The following MCM5 variants were observed in gnomAD, a reference collection of about 807,000 sequenced individuals.
The protein encoded by MCM5 is minichromosome maintenance complex component 5.
In MCM5, 46 loss-of-function variants were observed where a neutral mutation model predicts 79.9. That is an observed-to-expected ratio of 0.58 (90% confidence interval 0.45 to 0.74). MCM5 has a LOEUF of 0.74. Ranked by LOEUF, MCM5 falls within the 30% of genes least tolerant of loss-of-function variation. The pLI is 0.00. For missense variants in MCM5, 883 were observed against 1,017.0 expected (o/e 0.87, Z 1.79); for synonymous variants, 404 against 390.5 (o/e 1.03, Z -0.41).
chr22:35,423,885 A>G, intron 16 of MCM5: 1 of 436,056 alleles, frequency 2.3e-6, no homozygotes, highest in Non-Finnish European at 4.1e-6. Flanking sequence ...AGGTGCGCAG[A>G]CTGAGGCTTA....
chr22:35,440,317 G>A, the MCM5 span, among the ~76,000 whole-genome samples: 1 of 152,244 alleles, frequency 6.6e-6, no homozygotes, highest in African/African-American at 2.4e-5. Flanking sequence ...CTTAGGAAGT[G>A]ATGTTGGAAA....
intron 15 of MCM5, chr22:35,422,052 A>G (rs1300364982): frequency 1.7e-5 from 3 of 177,322 alleles, no homozygotes; most frequent in Non-Finnish European, 3.7e-5. Context: ...ACGCTGGGGA[A>G]AATCTGTTCC....
At chr22:35,431,861 A>G in the MCM5 span, among the ~76,000 whole-genome samples, 7,440 of 152,156 alleles carry the variant, frequency 0.049, 525 homozygotes, top group African/African-American at 0.16. Flanking sequence ...TCCTTCCAGA[A>G]ACACCCTGCC....
Position 35,408,568 on chromosome 22 carries a change from G to A in MCM5, c.752+5G>A. 6.2e-7 allele frequency: 1 copy of A among 1,602,388 alleles called. No individual in the cohort carries two copies. Among genetic ancestry groups the A allele is most frequent in the Non-Finnish European group, 8.5e-7 (1 of 1,170,456 alleles). On this transcript the variant is annotated splice_donor_5th_base_variant and intron_variant, in intron 6 of 16. Transcript: ENST00000216122. ...CATGCAGCTCTACTGCGACAGGTGAGGCAGACGGGCTGGGAGGTGGGCATC... is the reference window on the plus strand; with the variant it reads ...CATGCAGCTCTACTGCGACAGGTGAAGCAGACGGGCTGGGAGGTGGGCATC...
rs769524345 is a variant in MCM5 at position 35,424,124 on chromosome 22, G to A, written c.2104-30G>A. The A allele has an allele frequency of 8.9e-6, 13 of 1,462,486 alleles. No individual in the cohort carries two copies. In the South Asian group the frequency reaches 1.2e-4, roughly 14 times the overall value. The allele number at this position is 1,462,486 out of a possible 1,614,324, so 90.6% of individuals were successfully genotyped here. The stretch of plus-strand genomic sequence containing the variant: ...CTGTCGGAGTCCCCTCGGGCAGCAC[G>A]TGCCGTTAGCCAGCCATGTGCTCCC... On this transcript the variant is annotated intron_variant, in intron 16 of 16. Coordinates refer to ENST00000216122, the MANE Select transcript of MCM5 (RefSeq NM_006739.4).
chr22:35,424,276 T>C lies in MCM5; in HGVS notation c.*21T>C. 6.6e-7 allele frequency: 1 copy of C among 1,509,288 alleles called. No individual in the cohort carries two copies. Among genetic ancestry groups the C allele is most frequent in the South Asian group, 1.2e-5 (1 of 81,420 alleles). The allele number at this position is 1,509,288 out of a possible 1,614,324, so 93.5% of individuals were successfully genotyped here. A position where few individuals can be genotyped will look rare whatever the true frequency, so the allele number is the denominator to read the frequency against. On this transcript the variant is annotated 3_prime_UTR_variant, in exon 17 of 17. Transcript: ENST00000216122. ...AGTGAGTCGCGCCGCCTCACTGGAC[T>C]CATGGACTCGCCCACGCCTCGCCCC...
chr22:35,431,292 G>T, the MCM5 span, among the ~76,000 whole-genome samples: 4 of 152,168 alleles, frequency 2.6e-5, no homozygotes, highest in Non-Finnish European at 4.4e-5. Context: ...TTACACACCA[G>T]GAAACTGAGG....
chr22:35,401,898 C>G, intron 2 of MCM5: 1 of 361,250 alleles, frequency 2.8e-6, no homozygotes, highest in South Asian at 2.1e-5. Flanking sequence ...GTGTAGAAAG[C>G]TTTCTGTCTA....
chr22:35,416,478 T>A, intron 11 of MCM5, 74 bp downstream of exon 11: 5 of 1,511,260 alleles, frequency 3.3e-6, no homozygotes, highest in Non-Finnish European at 4.6e-6. Context: ...CTGCCCTGAT[T>A]GGGACCAAGT....
At chr22:35,402,779 A>G (rs1428317269) in intron 2 of MCM5, among the ~76,000 whole-genome samples, 1 of 152,180 alleles carries the variant, frequency 6.6e-6, no homozygotes, top group Non-Finnish European at 1.5e-5. Flanking sequence ...CCTGGCCTCA[A>G]GTAATCCACC....
chr22:35,414,943 C>T (rs375936413), intron 9 of MCM5, among the ~76,000 whole-genome samples: 6 of 151,994 alleles, frequency 3.9e-5, no homozygotes, highest in Admixed American at 6.6e-5. Context: ...TTGTATAGGG[C>T]GAGATGGTGG....
the MCM5 span, among the ~76,000 whole-genome samples, chr22:35,434,398 C>T: frequency 6.6e-6 from 1 of 152,194 alleles, no homozygotes; most frequent in African/African-American, 2.4e-5. Context: ...GAACTCCCCA[C>T]CCTCTCTGCC....
the MCM5 span, among the ~76,000 whole-genome samples, chr22:35,453,433 C>CAGAGAT: frequency 0.2 from 30,267 of 151,324 alleles, 3,402 homozygotes; most frequent in African/African-American, 0.31. Flanking sequence ...GACACAGAGA[C>CAGAGAT]AGAGACAGGG....
At chr22:35,429,858 G>A (rs1932801363), downstream of MCM5, among the ~76,000 whole-genome samples, 1 of 152,168 alleles carries the variant, frequency 6.6e-6, no homozygotes, top group South Asian at 2.1e-4. Context: ...AACCAGCTCA[G>A]CCTAGTGCTT....
chr22:35,438,591 CCA>C, the MCM5 span, among the ~76,000 whole-genome samples: 1 of 48,084 alleles, frequency 2.1e-5, no homozygotes, highest in Non-Finnish European at 4.4e-5. Flanking sequence ...ATCCATCCAT[CCA>C]TGCATCCACC....
At chr22:35,433,869 A>G in the MCM5 span, among the ~76,000 whole-genome samples, 2 of 152,134 alleles carry the variant, frequency 1.3e-5, no homozygotes, top group Non-Finnish European at 2.9e-5. Flanking sequence ...GGCAGCCACT[A>G]AATGGCCCCA....
At chr22:35,418,457 C>T (rs529936959) in intron 13 of MCM5, among the ~76,000 whole-genome samples, 5 of 152,006 alleles carry the variant, frequency 3.3e-5, no homozygotes, top group Admixed American at 6.6e-5. Flanking sequence ...GTCAGGAGTG[C>T]GAGACCAGCC....
chr22:35,427,654 C>T (rs901205755), downstream of MCM5, among the ~76,000 whole-genome samples: 6 of 151,786 alleles, frequency 4.0e-5, no homozygotes, highest in South Asian at 2.1e-4. Flanking sequence ...CCCATCAACC[C>T]GTCATCTACA....
the MCM5 span, among the ~76,000 whole-genome samples, chr22:35,454,361 G>A: frequency 6.6e-6 from 1 of 152,252 alleles, no homozygotes; most frequent in East Asian, 1.9e-4. Flanking sequence ...ACATGCCACT[G>A]AAGAAAAGAG....
Sources: gnomAD v4.1 joint callset for allele counts (sites outside exome capture counted in the v4.1 genomes callset) on GRCh38, gnomAD v4.1.1 for gene constraint, MANE v1.5 for transcripts, NCBI Gene and HGNC (gene_info 2026-07-23, HGNC 2026-07-21) for gene names.